Variants in PDZD2 observed in about 807,000 individuals in gnomAD.
The protein encoded by PDZD2 is PDZ domain-containing protein 2.
In PDZD2, 90 loss-of-function variants were observed where a neutral mutation model predicts 220.7. That is an observed-to-expected ratio of 0.41 (90% CI 0.34 to 0.49). The LOEUF is 0.49. Among genes scored for constraint, PDZD2 ranks in the 20% least tolerant of loss-of-function variants. The pLI is 0.28. For missense variants in PDZD2, 3,174 were observed against 3,608.5 expected (o/e 0.88, Z 3.08); for synonymous variants, 1,375 against 1,450.5 (o/e 0.95, Z 1.18).
At chr5:31,924,075 G>A (rs1744527941) in intron 2 of PDZD2, among the ~76,000 whole-genome samples, 1 of 152,184 alleles carries the variant, frequency 6.6e-6, no homozygotes, top group African/African-American at 2.4e-5. Flanking sequence ...TGACAATTCA[G>A]TGCAGTAAAG....
intron 7 of PDZD2, among the ~76,000 whole-genome samples, chr5:32,039,147 C>T (rs946829991): frequency 2.6e-5 from 4 of 151,878 alleles, no homozygotes; most frequent in African/African-American, 4.8e-5. Context: ...CCTCTCTTGC[C>T]GAGCCTGGAC....
At chr5:31,917,353 G>A (rs1338050753) in intron 2 of PDZD2, among the ~76,000 whole-genome samples, 1 of 152,098 alleles carries the variant, frequency 6.6e-6, no homozygotes, top group Non-Finnish European at 1.5e-5. Context: ...GGGCAACATG[G>A]CAAAACCCTG....
chr5:31,818,872 G>C (rs916377510), intron 2 of PDZD2, among the ~76,000 whole-genome samples: 2 of 152,020 alleles, frequency 1.3e-5, no homozygotes, highest in African/African-American at 4.8e-5. Context: ...GCTCTATCAT[G>C]CTAACTCAAC....
intron 2 of PDZD2, among the ~76,000 whole-genome samples, chr5:31,935,314 C>T (rs1745628808): frequency 6.6e-6 from 1 of 152,150 alleles, no homozygotes. Context: ...TTGGCTTCAG[C>T]TGTAAAACAA....
At chr5:31,676,364 C>T (rs901112826) in intron 1 of PDZD2, among the ~76,000 whole-genome samples, 1 of 152,086 alleles carries the variant, frequency 6.6e-6, no homozygotes, top group Non-Finnish European at 1.5e-5. Context: ...CTGACACATA[C>T]ACCGAAGGCC....
chr5:31,835,224 G>A (rs1756874964), intron 2 of PDZD2, among the ~76,000 whole-genome samples: 1 of 152,174 alleles, frequency 6.6e-6, no homozygotes, highest in African/African-American at 2.4e-5. Flanking sequence ...TCACTGATGT[G>A]TGGGCATCAT....
At chr5:31,793,423 C>G (rs1257796298) in intron 1 of PDZD2, among the ~76,000 whole-genome samples, 1 of 152,208 alleles carries the variant, frequency 6.6e-6, no homozygotes, top group Non-Finnish European at 1.5e-5. Context: ...CCCAGAACAA[C>G]CTTCCCACAG....
In PDZD2 at chr5:31,867,229, C is replaced by CCT. The variant is rs759375288; in HGVS notation, c.476+67506_476+67507dup. On this transcript the variant is annotated intron_variant, in intron 2 of 24. Transcript: ENST00000438447. ...TCATGCTCTTGAGCTCATAAAAAAA[C>CCT]CTAATGGGATGCAGACAGCAGATTC... is the stretch of plus-strand genomic sequence containing the variant. Among the ~76,000 whole-genome samples, 17 of 152,270 alleles carry CCT rather than the reference C, an allele frequency of 1.1e-4. No homozygotes were observed. In the East Asian group the frequency reaches 3.3e-3, roughly 29 times the overall value.
At chr5:32,077,330 G>T in intron 18 of PDZD2, 132 bp from the exon 19 acceptor site, 1 of 804,688 alleles carries the variant, frequency 1.2e-6, no homozygotes, top group Non-Finnish European at 2.0e-6. Flanking sequence ...CCACAATCTG[G>T]ATCTGCTGGC....
chr5:31,954,913 G>C (rs1032021328), intron 2 of PDZD2, among the ~76,000 whole-genome samples: 1 of 152,024 alleles, frequency 6.6e-6, no homozygotes, highest in Non-Finnish European at 1.5e-5. Flanking sequence ...CTCCAGCCTG[G>C]GGGACAGAGA....
intron 12 of PDZD2, among the ~76,000 whole-genome samples, 164 bp downstream of exon 12, chr5:32,058,267 T>C (rs1288950856): frequency 5.3e-5 from 8 of 151,466 alleles, no homozygotes; most frequent in Admixed American, 2.0e-4. Context: ...GGTAGAGAGA[T>C]GTTAGTCACT....
intron 1 of PDZD2, among the ~76,000 whole-genome samples, chr5:31,644,002 T>A (rs936478176): frequency 3.9e-5 from 6 of 152,218 alleles, no homozygotes; most frequent in Non-Finnish European, 7.4e-5. Context: ...TATTATTTTT[T>A]AAAAATTTTT....
chr5:31,935,121 C>G lies in PDZD2; in HGVS notation c.477-48034C>G, dbSNP rs931475487. 7.9e-5 allele frequency among the ~76,000 whole-genome samples: 12 copies of G among 151,702 alleles called. No individual in the cohort carries two copies. The South Asian group carries it at 1.5e-3, about 18-fold the overall frequency. ...AAAAAGAAAGAAAATAGAATGGCTGCAAGAAGTAAACAGAGGATGTTTGCT... is the reference window on the plus strand; with the variant it reads ...AAAAAGAAAGAAAATAGAATGGCTGGAAGAAGTAAACAGAGGATGTTTGCT... On this transcript the variant is annotated intron_variant, in intron 2 of 24. Transcript: ENST00000438447.
chr5:31,644,607 C>T (rs1745068966), intron 1 of PDZD2, among the ~76,000 whole-genome samples: 1 of 152,124 alleles, frequency 6.6e-6, no homozygotes, highest in South Asian at 2.1e-4. Flanking sequence ...AGAGGCCTAC[C>T]CCCGGCCGTG....
At position 31,646,273 on chromosome 5, in the gene PDZD2, T is replaced by C. The variant is rs1245125821; in HGVS notation, c.-361+6836T>C. On this transcript the variant is annotated intron_variant, in intron 1 of 24. Coordinates refer to ENST00000438447, the MANE Select transcript of PDZD2 (RefSeq NM_178140.4). The surrounding 1 kb of genome is among the most constrained non-coding windows in gnomAD (Gnocchi z 4.7). ...CTGGAGAGGCAAGTGTATTTTGGGG[T>C]AGCCATAATATCTTGGGTTGGTGGG... Among the ~76,000 whole-genome samples the C allele has an allele frequency of 2.0e-5, 3 of 152,024 alleles. No homozygotes were observed. The highest frequency in any genetic ancestry group is 2.9e-5 in the Non-Finnish European group (2 of 68,008).
intron 20 of PDZD2, among the ~76,000 whole-genome samples, chr5:32,092,315 A>G (rs1011315783): frequency 2.1e-5 from 3 of 145,258 alleles, no homozygotes; most frequent in Non-Finnish European, 4.5e-5. Flanking sequence ...GCTCAGGCCT[A>G]TAGTCCCAGC....
Position 31,799,735 on chromosome 5 carries a change from G to A in PDZD2, c.476+11G>A, listed in dbSNP as rs779256113. On this transcript the variant is annotated intron_variant, in intron 2 of 24. Transcript: ENST00000438447. ...TGTCAGTGGGGCCAGGTAAGTAGGG[G>A]GAATGCCTGCTGGCACAGGGGCTGG... 6 of 1,569,464 alleles carry A rather than the reference G, an allele frequency of 3.8e-6. No homozygotes were observed. The highest frequency in any genetic ancestry group is 2.2e-5 in the South Asian group (2 of 90,128).
chr5:31,945,466 A>G (rs1259896163), intron 2 of PDZD2, among the ~76,000 whole-genome samples: 2 of 151,788 alleles, frequency 1.3e-5, no homozygotes, highest in African/African-American at 2.4e-5. Context: ...TCTTCTGGGG[A>G]GAGAGGTGGT....
chr5:31,805,597 C>T (rs1051603725), intron 2 of PDZD2, among the ~76,000 whole-genome samples: 14 of 152,090 alleles, frequency 9.2e-5, no homozygotes, highest in African/African-American at 3.1e-4. Context: ...ATACAGCTGT[C>T]GTATGAAGGA....
Sources: allele counts gnomAD v4.1 joint callset (sites outside exome capture counted in the v4.1 genomes callset), GRCh38; gene constraint gnomAD v4.1.1; non-coding constraint Gnocchi (gnomAD v3.1); transcripts MANE v1.5; gene names NCBI Gene and HGNC (gene_info 2026-07-23, HGNC 2026-07-21).